Variants in CALN1 observed in about 807,000 individuals in gnomAD.
CALN1 encodes calneuron 1.
Under a neutral mutation model 30.6 loss-of-function variants are expected in CALN1, and 17 were observed. The ratio of observed to expected loss-of-function variants is 0.56; its 90% CI spans 0.38 to 0.83. The LOEUF is 0.83. Among genes scored for constraint, CALN1 ranks in the 40% least tolerant of loss-of-function variants. The probability of loss-of-function intolerance (pLI) is 0.00; values close to 1 mark genes in which losing one functional copy is unlikely to be tolerated. For synonymous variants in CALN1, 156 were observed against 131.4 expected, an observed-to-expected ratio of 1.19 and a Z score of -1.28; for missense variants, 291 against 354.9, an observed-to-expected ratio of 0.82 and a Z score of 1.45.
intron 3 of CALN1, among the ~76,000 whole-genome samples, chr7:72,196,102 A>G (rs1326796292): frequency 2.6e-5 from 4 of 151,842 alleles, no homozygotes; most frequent in Non-Finnish European, 5.9e-5. Context: ...AAGGGGTATT[A>G]AGTTTCTTTT....
chr7:72,022,873 G>A (rs574006317), intron 5 of CALN1, among the ~76,000 whole-genome samples: 80 of 140,024 alleles, frequency 5.7e-4, no homozygotes, highest in Admixed American at 9.9e-4. Context: ...CTAGGTTAGA[G>A]AAATCTCCTG....
intron 5 of CALN1, among the ~76,000 whole-genome samples, chr7:72,005,418 T>TC (rs766242884): frequency 2.6e-5 from 4 of 152,132 alleles, no homozygotes; most frequent in Non-Finnish European, 4.4e-5. Context: ...AGCCTGGAAC[T>TC]CCCAGGCTGA....
At chr7:71,845,703 T>TTCAGCTGATTCTGG (rs1434972946) in intron 5 of CALN1, among the ~76,000 whole-genome samples, 1 of 152,128 alleles carries the variant, frequency 6.6e-6, no homozygotes, top group Non-Finnish European at 1.5e-5. Context: ...GCACCCAGAA[T>TTCAGCTGATTCTGG]TCAGCTGATT....
chr7:71,795,271 C>T (rs759419841), intron 6 of CALN1, among the ~76,000 whole-genome samples: 1 of 152,102 alleles, frequency 6.6e-6, no homozygotes, highest in African/African-American at 2.4e-5. Context: ...CCATCCGCCT[C>T]GGCCTCCCAA....
At chr7:72,487,244 GGT>G in the CALN1 span, among the ~76,000 whole-genome samples, 2 of 152,088 alleles carry the variant, frequency 1.3e-5, no homozygotes, top group Admixed American at 1.3e-4. Flanking sequence ...TGGCGAGAAT[GGT>G]GTGAAAACAG....
chr7:71,869,095 G>T (rs1054924285), intron 5 of CALN1, among the ~76,000 whole-genome samples: 2 of 152,122 alleles, frequency 1.3e-5, no homozygotes, highest in African/African-American at 4.8e-5. Context: ...GGGACAGAGT[G>T]CTTCTCCTCT....
intron 3 of CALN1, among the ~76,000 whole-genome samples, chr7:72,203,964 A>G (rs528553900): frequency 1.4e-5 from 2 of 144,800 alleles, no homozygotes; most frequent in South Asian, 2.2e-4. Flanking sequence ...TAGCCTTCAT[A>G]TAAGAGGCCT....
At chr7:72,199,893 T>C (rs1371175737) in intron 3 of CALN1, among the ~76,000 whole-genome samples, 1 of 152,088 alleles carries the variant, frequency 6.6e-6, no homozygotes, top group Non-Finnish European at 1.5e-5. Flanking sequence ...AGCCTAACTC[T>C]AGATGGAATC....
At position 71,813,695 on chromosome 7, in the gene CALN1, C is replaced by G. The variant is rs369622379; in HGVS notation, c.502-3203G>C. Among the ~76,000 whole-genome samples, 645 of 152,126 alleles carry G rather than the reference C, an allele frequency of 4.2e-3. 6 individuals are homozygous for G. Among genetic ancestry groups the G allele is most frequent in the African/African-American group, 0.014 (600 of 41,518 alleles). On this transcript the variant is annotated intron_variant, in intron 5 of 6. Transcript: ENST00000395275. ...CTGTCATCCTAGCACTTTGGGAGGC[C>G]GAGGCTGGCGGATCACAAGGTCAGG...
In CALN1 at chr7:72,293,406, G is replaced by C. The variant is rs192477581; in HGVS notation, c.120-14596C>G. On this transcript the variant is annotated intron_variant, in intron 2 of 6. Coordinates refer to ENST00000395275, the MANE Select transcript of CALN1 (RefSeq NM_031468.4). ...TTCAAAGCAAGAACCACTAAAAAGAGACAGCCACTGCTGGAGACAATTATC... is the reference window on the plus strand; with the variant it reads ...TTCAAAGCAAGAACCACTAAAAAGACACAGCCACTGCTGGAGACAATTATC... Among the ~76,000 whole-genome samples, 10 of 152,292 alleles carry C rather than the reference G, an allele frequency of 6.6e-5. No individual in the cohort carries two copies. The East Asian group carries it at 1.9e-3, about 29-fold the overall frequency.
chr7:71,941,040 A>C (rs2129522385), intron 5 of CALN1, among the ~76,000 whole-genome samples: 1 of 152,314 alleles, frequency 6.6e-6, no homozygotes, highest in African/African-American at 2.4e-5. Flanking sequence ...CAGTGGATAT[A>C]ATTATATCAA....
At chr7:72,176,639 T>C (rs956652318) in intron 3 of CALN1, among the ~76,000 whole-genome samples, 13 of 152,140 alleles carry the variant, frequency 8.5e-5, no homozygotes, top group Non-Finnish European at 1.8e-4. Flanking sequence ...TCACACTTCA[T>C]GTACAGCCTG....
At chr7:72,238,727 A>G (rs1279072647) in intron 3 of CALN1, among the ~76,000 whole-genome samples, 2 of 152,156 alleles carry the variant, frequency 1.3e-5, no homozygotes, top group East Asian at 1.9e-4. Context: ...CGCCACGTGA[A>G]GAAGGGCATG....
At chr7:72,178,065 T>A (rs1789490682) in intron 3 of CALN1, among the ~76,000 whole-genome samples, 1 of 152,118 alleles carries the variant, frequency 6.6e-6, no homozygotes, top group African/African-American at 2.4e-5. Context: ...TTTGAAAGGA[T>A]GAGGAAGGTG....
chr7:72,220,198 C>T (rs947120696), intron 3 of CALN1, among the ~76,000 whole-genome samples: 2 of 113,672 alleles, frequency 1.8e-5, no homozygotes, highest in African/African-American at 3.4e-5. Flanking sequence ...CCCCTCCCCC[C>T]ACCCCACAAC....
intron 1 of CALN1, among the ~76,000 whole-genome samples, chr7:72,407,794 C>A (rs1053208172): frequency 2.0e-5 from 3 of 152,152 alleles, no homozygotes; most frequent in Admixed American, 1.3e-4. Flanking sequence ...CAGATGGGCG[C>A]TGGACTGGAC....
chr7:72,384,952 A>G (rs1412328827), intron 2 of CALN1, among the ~76,000 whole-genome samples: 2 of 152,222 alleles, frequency 1.3e-5, no homozygotes, highest in African/African-American at 2.4e-5. Flanking sequence ...TTAAAACTCA[A>G]AAATGAAAAA....
At chr7:72,252,231 T>G (rs1234541883) in intron 3 of CALN1, among the ~76,000 whole-genome samples, 1 of 152,100 alleles carries the variant, frequency 6.6e-6, no homozygotes, top group Non-Finnish European at 1.5e-5. Flanking sequence ...CCTCCCTCAC[T>G]TCTTTCTTCC....
intron 5 of CALN1, among the ~76,000 whole-genome samples, chr7:72,008,176 T>C (rs535432297): frequency 9.2e-4 from 140 of 152,278 alleles, no homozygotes; most frequent in African/African-American, 3.2e-3. Flanking sequence ...ACACAATAAA[T>C]GGATACAATA....
Sources: gnomAD v4.1 joint callset for allele counts (sites outside exome capture counted in the v4.1 genomes callset) on GRCh38, gnomAD v4.1.1 for gene constraint, MANE v1.5 for transcripts, NCBI Gene and HGNC (gene_info 2026-07-23, HGNC 2026-07-21) for gene names.